The following STK38 variants were observed in gnomAD, a reference collection of about 807,000 sequenced individuals.
STK38 encodes the protein serine/threonine kinase 38, also known as serine/threonine-protein kinase 38.
STK38 carries 26 observed loss-of-function variants against 59.0 expected under a neutral mutation model. The ratio of observed to expected loss-of-function variants is 0.44; its 90% CI spans 0.32 to 0.61. The LOEUF is 0.61. Among genes scored for constraint, STK38 ranks in the 20% least tolerant of loss-of-function variants. The pLI is 0.04. For synonymous variants in STK38, 175 were observed against 176.6 expected, an observed-to-expected ratio of 0.99 and a Z score of 0.07; for missense variants, 433 against 566.0, an observed-to-expected ratio of 0.76 and a Z score of 2.38.
At chr6:36,526,045 C>A (rs375872586) in intron 2 of STK38, among the ~76,000 whole-genome samples, 1 of 152,220 alleles carries the variant, frequency 6.6e-6, no homozygotes, top group East Asian at 1.9e-4. Context: ...GAAATGAGGT[C>A]TCATTATATT....
At chr6:36,497,938 CTTTTTT>C (rs147832342) in intron 11 of STK38, 63 bp from the exon 12 acceptor site, 818 of 655,138 alleles carry the variant, frequency 1.2e-3, no homozygotes, top group East Asian at 3.2e-3. Flanking sequence ...GAAAAACTTT[CTTTTTT>C]TTTTTTTTTT....
chr6:36,541,868 G>A (rs923430425), intron 1 of STK38, among the ~76,000 whole-genome samples: 16 of 144,610 alleles, frequency 1.1e-4, no homozygotes, highest in South Asian at 6.5e-4. Flanking sequence ...TCACTCTGTC[G>A]CCCATGCTGG....
intron 9 of STK38, among the ~76,000 whole-genome samples, chr6:36,503,843 C>T (rs191194707): frequency 3.3e-4 from 51 of 152,314 alleles, no homozygotes; most frequent in Non-Finnish European, 5.6e-4. Context: ...GGAGCTCGCT[C>T]GCATTTTACC....
At chr6:36,498,986 A>T (rs1285615624) in intron 10 of STK38, among the ~76,000 whole-genome samples, 1 of 152,056 alleles carries the variant, frequency 6.6e-6, no homozygotes, top group Admixed American at 6.5e-5. Context: ...AAATACCTAA[A>T]CCTATTTTTC....
At chr6:36,541,831 CT>C (rs58320889) in intron 1 of STK38, among the ~76,000 whole-genome samples, 55,879 of 135,618 alleles carry the variant, frequency 0.41, 11,786 homozygotes, top group African/African-American at 0.6. Context: ...TTTTCTTTTT[CT>C]TTTTTTTTTT....
Position 36,547,415 on chromosome 6 carries a change from A to AAGGCAGCCCGGTCCCC in STK38, c.-247_-232dup, listed in dbSNP as rs1468881472. On this transcript the variant is annotated 5_prime_UTR_variant, in exon 1 of 14. Transcript: ENST00000229812. ...GAAAAGACGCGAGCGCTGAGGGGCC[A>AAGGCAGCCCGGTCCCC]AGGCAGCCCGGTCCCCCGCCGCGGA... The AAGGCAGCCCGGTCCCC allele has an allele frequency of 1.5e-4, 23 of 152,442 alleles. No individual in the cohort carries two copies. The allele number at this position is 152,442 out of a possible 1,614,324, so 9.4% of individuals were successfully genotyped here.
intron 7 of STK38, among the ~76,000 whole-genome samples, chr6:36,509,651 A>G (rs1777057220): frequency 1.3e-5 from 2 of 152,096 alleles, no homozygotes; most frequent in African/African-American, 4.8e-5. Flanking sequence ...ATTACCCACA[A>G]TGACTCAAGG....
At chr6:36,512,557 A>G (rs1777138105) in intron 7 of STK38, among the ~76,000 whole-genome samples, 1 of 152,260 alleles carries the variant, frequency 6.6e-6, no homozygotes, top group Non-Finnish European at 1.5e-5. Context: ...AAAGCTATTT[A>G]CTTTTAGGAT....
chr6:36,507,669 T>A, intron 7 of STK38, 67 bp from the exon 8 acceptor site: 1 of 1,213,096 alleles, frequency 8.2e-7, no homozygotes. Flanking sequence ...CATTACGTTC[T>A]GCTCCTTCCA....
chr6:36,516,630 G>A (rs1028671150), intron 6 of STK38, among the ~76,000 whole-genome samples: 3 of 152,186 alleles, frequency 2.0e-5, no homozygotes, highest in African/African-American at 7.2e-5. Flanking sequence ...CCTTCAATCT[G>A]GAGACCCACC....
In STK38 at chr6:36,496,038, T is replaced by A. The variant is rs572667147; in HGVS notation, c.1268-124A>T. 5 of 1,063,386 alleles carry A rather than the reference T, an allele frequency of 4.7e-6. No individual in the cohort carries two copies. In the African/African-American group the frequency reaches 4.9e-5, roughly 10 times the overall value. 65.9% of individuals were successfully genotyped at this position (1,063,386 alleles called of 1,614,324 possible). A position where few individuals can be genotyped will look rare whatever the true frequency, so the allele number is the denominator to read the frequency against. On this transcript the variant is annotated intron_variant, in intron 13 of 13. Coordinates refer to ENST00000229812, the MANE Select transcript of STK38 (RefSeq NM_007271.4). ...ATTTGGGAAAGCTTATTTTTCACTC[T>A]ATGAATTTTTTTTTTTTTTTTTTTT... is the stretch of plus-strand genomic sequence containing the variant.
chr6:36,498,938 C>T (rs1776772035), intron 10 of STK38, among the ~76,000 whole-genome samples: 1 of 152,100 alleles, frequency 6.6e-6, no homozygotes, highest in Non-Finnish European at 1.5e-5. Flanking sequence ...GTATGGCCAT[C>T]CCTCCATGAC....
rs1401899969 is a variant in STK38 at position 36,527,205 on chromosome 6, A to ATAT, written c.132-1564_132-1563insATA. 6.4e-3 allele frequency among the ~76,000 whole-genome samples: 719 copies of ATAT among 112,688 alleles called. 7 individuals are homozygous for ATAT. The highest frequency in any genetic ancestry group is 8.6e-3 in the Middle Eastern group (2 of 232). 73.9% of individuals were successfully genotyped at this position (112,688 alleles called of 152,430 possible). On this transcript the variant is annotated intron_variant, in intron 2 of 13. Transcript: ENST00000229812. ...AGACTCCGTCTCAAAAAAAAAAAAA[A>ATAT]AAATATATGTATATATATATATATT...
intron 6 of STK38, among the ~76,000 whole-genome samples, chr6:36,516,027 C>T (rs1337972284): frequency 6.6e-6 from 1 of 152,186 alleles, no homozygotes; most frequent in Non-Finnish European, 1.5e-5. Flanking sequence ...GGTAGCAAAG[C>T]ATTAGTCAAC....
chr6:36,534,671 A>AT (rs952214026), intron 2 of STK38, among the ~76,000 whole-genome samples: 1 of 152,102 alleles, frequency 6.6e-6, no homozygotes, highest in Admixed American at 6.6e-5. Context: ...CAATAAAAAA[A>AT]TTTTTTAACC....
chr6:36,515,817 C>T (rs1209475607), intron 6 of STK38, among the ~76,000 whole-genome samples: 1 of 152,208 alleles, frequency 6.6e-6, no homozygotes, highest in Non-Finnish European at 1.5e-5. Flanking sequence ...GGGTAAAATG[C>T]TACTTTACTT....
intron 4 of STK38, 86 bp downstream of exon 4, chr6:36,524,255 A>T (rs1777453898): frequency 2.7e-6 from 4 of 1,470,708 alleles, no homozygotes; most frequent in Non-Finnish European, 2.7e-6. Context: ...TATATTTGTT[A>T]TATCAACAAT....
At chr6:36,517,661 G>C in intron 6 of STK38, 56 bp downstream of exon 6, 1 of 1,595,938 alleles carries the variant, frequency 6.3e-7, no homozygotes, top group South Asian at 1.1e-5. Flanking sequence ...CGTGATGTGA[G>C]AGAAAGAAAC....
chr6:36,497,010 TAACTC>T (rs1439674155), intron 12 of STK38, among the ~76,000 whole-genome samples: 1 of 152,130 alleles, frequency 6.6e-6, no homozygotes, highest in East Asian at 1.9e-4. Flanking sequence ...TTTAAAAAAA[TAACTC>T]AATCATTCAT....
Sources: gnomAD v4.1 joint callset for allele counts (sites outside exome capture counted in the v4.1 genomes callset) on GRCh38, gnomAD v4.1.1 for gene constraint, MANE v1.5 for transcripts, NCBI Gene and HGNC (gene_info 2026-07-23, HGNC 2026-07-21) for gene names.